FABP7: variants seen among roughly 807,000 people sequenced by gnomAD.
The protein encoded by FABP7 is fatty acid binding protein 7.
In FABP7, 13 loss-of-function variants were observed where a neutral mutation model predicts 14.2. That is an observed-to-expected ratio of 0.91 (90% confidence interval 0.59 to 1.45). FABP7 has a LOEUF of 1.45. Among genes scored for constraint, FABP7 ranks in the 40% most tolerant of loss-of-function variants. The probability of loss-of-function intolerance (pLI) is 0.00; values close to 1 mark genes in which losing one functional copy is unlikely to be tolerated. For missense variants in FABP7, 149 were observed against 157.6 expected (o/e 0.95, Z 0.29); for synonymous variants, 49 against 51.4 (o/e 0.95, Z 0.20).
chr6:122,753,780 T>C, the FABP7 span, among the ~76,000 whole-genome samples: 646 of 44,594 alleles, frequency 0.014, no homozygotes, highest in Non-Finnish European at 0.02. Flanking sequence ...TGGGTCCAAA[T>C]CCCGCCCCCC....
intron 3 of FABP7, chr6:122,783,116 G>T: frequency 1.0e-6 from 1 of 985,384 alleles, no homozygotes; most frequent in Non-Finnish European, 1.2e-6. Context: ...CTGTAAAGTG[G>T]TTTTATAATA....
At chr6:122,772,129 T>C in the FABP7 span, among the ~76,000 whole-genome samples, 2 of 152,154 alleles carry the variant, frequency 1.3e-5, no homozygotes, top group Non-Finnish European at 2.9e-5. Flanking sequence ...CTTGAGGAAA[T>C]ATTAATTGAA....
chr6:122,765,346 A>G, the FABP7 span, among the ~76,000 whole-genome samples: 4 of 152,138 alleles, frequency 2.6e-5, no homozygotes, highest in African/African-American at 7.2e-5. Flanking sequence ...ATCAGCTGGC[A>G]TGGCATTTTG....
At chr6:122,749,449 T>G in the FABP7 span, among the ~76,000 whole-genome samples, 2 of 152,184 alleles carry the variant, frequency 1.3e-5, no homozygotes, top group African/African-American at 4.8e-5. Flanking sequence ...TAATAGTCTC[T>G]CTCTCTGTTT....
At chr6:122,780,542 A>T (rs1211156919) in intron 2 of FABP7, 79 bp downstream of exon 2, 8 of 1,401,844 alleles carry the variant, frequency 5.7e-6, no homozygotes, top group Non-Finnish European at 7.9e-6. Context: ...TGTTTTTTTT[A>T]AGATGTTGGA....
chr6:122,774,231 G>T, the FABP7 span, among the ~76,000 whole-genome samples: 1 of 151,818 alleles, frequency 6.6e-6, no homozygotes, highest in African/African-American at 2.4e-5. Context: ...GCGTGGTGGT[G>T]CATGCCTGTA....
At chr6:122,762,465 C>G in the FABP7 span, among the ~76,000 whole-genome samples, 3 of 152,144 alleles carry the variant, frequency 2.0e-5, no homozygotes, top group African/African-American at 7.2e-5. Flanking sequence ...GAAGCATTCC[C>G]TTTGAAAACT....
At chr6:122,777,078 C>T (rs1259432402), upstream of FABP7, among the ~76,000 whole-genome samples, 1 of 152,112 alleles carries the variant, frequency 6.6e-6, no homozygotes, top group African/African-American at 2.4e-5. Flanking sequence ...AATATTTCAG[C>T]ACTTGTGATC....
chr6:122,762,002 TC>T, the FABP7 span, among the ~76,000 whole-genome samples: 2,169 of 152,188 alleles, frequency 0.014, 51 homozygotes, highest in African/African-American at 0.048. Context: ...ACTATTCCAA[TC>T]AATAGAAAAA....
chr6:122,763,787 A>G, the FABP7 span, among the ~76,000 whole-genome samples: 4 of 152,380 alleles, frequency 2.6e-5, no homozygotes, highest in Admixed American at 2.6e-4. Context: ...GACAAATGAA[A>G]AAATGCTCAT....
the FABP7 span, among the ~76,000 whole-genome samples, chr6:122,768,535 T>A: frequency 6.6e-6 from 1 of 152,114 alleles, no homozygotes; most frequent in Non-Finnish European, 1.5e-5. Context: ...GATGTTTACC[T>A]TGAGTTGGAG....
the FABP7 span, among the ~76,000 whole-genome samples, chr6:122,769,132 T>C: frequency 6.6e-6 from 1 of 152,104 alleles, no homozygotes; most frequent in East Asian, 1.9e-4. Context: ...TACCCTGACA[T>C]TCTCCATTGG....
At chr6:122,757,399 C>A in the FABP7 span, among the ~76,000 whole-genome samples, 3 of 151,946 alleles carry the variant, frequency 2.0e-5, no homozygotes, top group South Asian at 6.2e-4. Flanking sequence ...TGACTGAAGA[C>A]TAAATATCGT....
At chr6:122,751,449 T>C in the FABP7 span, among the ~76,000 whole-genome samples, 9 of 152,240 alleles carry the variant, frequency 5.9e-5, no homozygotes, top group Non-Finnish European at 1.2e-4. Flanking sequence ...TCACCATCTA[T>C]GCATGCAGGC....
At chr6:122,765,420 T>C in the FABP7 span, among the ~76,000 whole-genome samples, 3 of 152,244 alleles carry the variant, frequency 2.0e-5, no homozygotes, top group African/African-American at 7.2e-5. Context: ...TGTATCTATA[T>C]ATATATAGCC....
the FABP7 span, among the ~76,000 whole-genome samples, chr6:122,760,880 T>A: frequency 1.3e-5 from 2 of 152,184 alleles, no homozygotes; most frequent in African/African-American, 4.8e-5. Context: ...ATCACTATTA[T>A]AACTTAAATG....
At chr6:122,776,900 A>G (rs954448206), upstream of FABP7, among the ~76,000 whole-genome samples, 2 of 152,226 alleles carry the variant, frequency 1.3e-5, no homozygotes, top group Non-Finnish European at 2.9e-5. Context: ...TCTGCCTATT[A>G]CAAGATTAAT....
At chr6:122,773,357 A>G in the FABP7 span, among the ~76,000 whole-genome samples, 1 of 152,198 alleles carries the variant, frequency 6.6e-6, no homozygotes, top group Admixed American at 6.5e-5. Flanking sequence ...CTGCGCACTC[A>G]GTCCTCTTTT....
chr6:122,758,140 G>A, the FABP7 span, among the ~76,000 whole-genome samples: 1 of 101,308 alleles, frequency 9.9e-6, no homozygotes, highest in East Asian at 2.9e-4. Flanking sequence ...ACAGAGTCTT[G>A]CTTTGTTCCC....
Sources: allele counts gnomAD v4.1 joint callset (sites outside exome capture counted in the v4.1 genomes callset), GRCh38; gene constraint gnomAD v4.1.1; transcripts MANE v1.5; gene names NCBI Gene and HGNC (gene_info 2026-07-23, HGNC 2026-07-21).